ZC3H12D: variants seen among roughly 807,000 people sequenced by gnomAD.
ZC3H12D encodes the protein probable ribonuclease ZC3H12D.
A neutral mutation model predicts 24.2 loss-of-function variants in ZC3H12D; 11 were observed. The observed-to-expected ratio is 0.46, with a 90% confidence interval of 0.29 to 0.75. The LOEUF is 0.75. ZC3H12D is among the 30% of genes least tolerant of loss of function. ZC3H12D has a pLI of 0.11. For missense variants in ZC3H12D, 740 were observed against 767.7 expected (o/e 0.96, Z 0.43); for synonymous variants, 333 against 341.8 (o/e 0.97, Z 0.28).
At chr6:149,475,025 A>G (rs779141844) in intron 1 of ZC3H12D, among the ~76,000 whole-genome samples, 2 of 152,184 alleles carry the variant, frequency 1.3e-5, no homozygotes, top group African/African-American at 4.8e-5. Flanking sequence ...TATGACCTCT[A>G]AAAGGAGGTC....
rs1775887444 is a variant in ZC3H12D at position 149,451,143 on chromosome 6, C to T, written c.1124G>A (p.Gly375Glu). The stretch of plus-strand genomic sequence containing the variant: ...GCCGCCCGCGGACACCCAGTCGGGC[C>T]CGCCCAGTCGGGGCGTGAGGCTGCA... ...PACSLTPRLG[G>E]PDWVSAGGRV... Residue 375 changes from glycine to glutamate, a missense_variant, in exon 6 of 6, where the codon GGG becomes GAG. By Grantham distance (98) the Gly-to-Glu change is moderately conservative (BLOSUM62 -2). Coordinates refer to ENST00000409806, the MANE Select transcript of ZC3H12D (RefSeq NM_207360.3). 1.2e-5 allele frequency: 16 copies of T among 1,340,254 alleles called. No individual in the cohort carries two copies. Among genetic ancestry groups the T allele is most frequent in the African/African-American group, 1.5e-5 (1 of 64,766 alleles). 83.0% of individuals were successfully genotyped at this position (1,340,254 alleles called of 1,614,324 possible).
chr6:149,459,128 T>C (rs1387942832), intron 3 of ZC3H12D, among the ~76,000 whole-genome samples: 2 of 148,400 alleles, frequency 1.3e-5, no homozygotes, highest in East Asian at 3.9e-4. Flanking sequence ...TATAGTCAAA[T>C]GTATTCATCT....
At chr6:149,468,671 G>A (rs1429604583) in intron 2 of ZC3H12D, among the ~76,000 whole-genome samples, 5 of 152,170 alleles carry the variant, frequency 3.3e-5, no homozygotes, top group Non-Finnish European at 7.3e-5. Flanking sequence ...GAAAGAGACC[G>A]TGAGCAGGGG....
chr6:149,463,238 G>T (rs1194596076), intron 2 of ZC3H12D, among the ~76,000 whole-genome samples: 1 of 152,218 alleles, frequency 6.6e-6, no homozygotes, highest in Non-Finnish European at 1.5e-5. Flanking sequence ...GGAGGGCAAT[G>T]CCCTTCAAAT....
chr6:149,456,572 A>G lies in ZC3H12D; in HGVS notation c.680+94T>C, dbSNP rs1775982936. 5.3e-6 allele frequency: 6 copies of G among 1,124,314 alleles called. No homozygotes were observed. The highest frequency in any genetic ancestry group is 1.5e-5 in the African/African-American group (1 of 65,138). 69.6% of individuals were successfully genotyped at this position (1,124,314 alleles called of 1,614,324 possible). On this transcript the variant is annotated intron_variant, in intron 4 of 5. Coordinates refer to ENST00000409806, the MANE Select transcript of ZC3H12D (RefSeq NM_207360.3). The surrounding 1 kb of genome is among the most constrained non-coding windows in gnomAD (Gnocchi z 4.3). Reference sequence around the variant, plus strand: ...GGGGCTGGGTGACCGGGTGACCCCAAGCTCCTCCACCTGGTAGCAGGCGTG... The same window carrying G: ...GGGGCTGGGTGACCGGGTGACCCCAGGCTCCTCCACCTGGTAGCAGGCGTG...
intron 2 of ZC3H12D, among the ~76,000 whole-genome samples, chr6:149,464,717 G>A (rs1776124088): frequency 6.6e-6 from 1 of 152,222 alleles, no homozygotes; most frequent in Admixed American, 6.5e-5. Context: ...ACGAATGGCT[G>A]AGAAGAAACT....
chr6:149,461,683 TA>T, intron 3 of ZC3H12D, 147 bp downstream of exon 3: 1 of 847,478 alleles, frequency 1.2e-6, no homozygotes, highest in Non-Finnish European at 1.8e-6. Flanking sequence ...TGAACAGTCA[TA>T]ATCAGTGCCT....
rs1775879930 is a variant in ZC3H12D at position 149,450,916 on chromosome 6, C to A, written c.1351G>T (p.Val451Phe). Residue 451 changes from valine to phenylalanine, a missense_variant, in exon 6 of 6, where the codon GTC becomes TTC. Physicochemically the swap from Val to Phe is conservative, Grantham distance 50. Coordinates refer to ENST00000409806, the MANE Select transcript of ZC3H12D (RefSeq NM_207360.3). ...PRSDRFPGRS[V>F]WAEPAWGDGA... The stretch of plus-strand genomic sequence containing the variant: ...TCGCCCCAGGCCGGCTCCGCCCAGA[C>A]GGAGCGCCCAGGGAAGCGGTCGGAG... 3 of 1,539,988 alleles carry A rather than the reference C, an allele frequency of 1.9e-6. No homozygotes were observed. The highest frequency in any genetic ancestry group is 2.4e-5 in the East Asian group (1 of 40,912).
intron 2 of ZC3H12D, among the ~76,000 whole-genome samples, chr6:149,467,399 T>G (rs1385539622): frequency 6.6e-6 from 1 of 152,170 alleles, no homozygotes; most frequent in African/African-American, 2.4e-5. Context: ...ACTACAGGTA[T>G]GCACTGCCAC....
In ZC3H12D at chr6:149,456,492, C is replaced by T. The variant is rs1365320411; in HGVS notation, c.680+174G>A. Among the ~76,000 whole-genome samples, 2 of 152,096 alleles carry T rather than the reference C, an allele frequency of 1.3e-5. No homozygotes were observed. Among genetic ancestry groups the T allele is most frequent in the African/African-American group, 4.8e-5 (2 of 41,426 alleles). ...AACAGCAAGGTCAGAGCAAAGCAGCCCACCTATTGGGGACGTGCCCGCCGA... is the reference window on the plus strand; with the variant it reads ...AACAGCAAGGTCAGAGCAAAGCAGCTCACCTATTGGGGACGTGCCCGCCGA... On this transcript the variant is annotated intron_variant, in intron 4 of 5. Coordinates refer to ENST00000409806, the MANE Select transcript of ZC3H12D (RefSeq NM_207360.3). The surrounding 1 kb of genome is among the most constrained non-coding windows in gnomAD (Gnocchi z 4.3).
At position 149,472,825 on chromosome 6, in the gene ZC3H12D, C is replaced by A. The variant is rs1303364298; in HGVS notation, c.305+1414G>T. On this transcript the variant is annotated intron_variant, in intron 2 of 5. Coordinates refer to ENST00000409806, the MANE Select transcript of ZC3H12D (RefSeq NM_207360.3). The stretch of plus-strand genomic sequence containing the variant: ...AGGTCTTTGATTTAAGCATTCAAAG[C>A]CTTCCTTCTATGGAAGCCCAGGGAA... Among the ~76,000 whole-genome samples the A allele has an allele frequency of 3.3e-5, 5 of 152,174 alleles. No homozygotes were observed. The East Asian group carries it at 7.7e-4, about 23-fold the overall frequency.
Position 149,456,892 on chromosome 6 carries a change from C to T in ZC3H12D, c.454G>A (p.Val152Met). 1 of 1,599,708 alleles carries T rather than the reference C, an allele frequency of 6.3e-7. No individual in the cohort carries two copies. The highest frequency in any genetic ancestry group is 1.1e-5 in the South Asian group (1 of 90,978). ...RADTPIREQH[V>M]LAELERQAVL... ...GCCTGCCGCTCCAGCTCCGCCAGCACGTGCTGCTCTGAGGGCGGGGCGACG... is the reference window on the plus strand; with the variant it reads ...GCCTGCCGCTCCAGCTCCGCCAGCATGTGCTGCTCTGAGGGCGGGGCGACG... The change falls in exon 4 of 6, where the codon GTG (valine) becomes ATG (methionine). Residue 152 changes from valine (V) to methionine (M), a missense_variant. By Grantham distance (21) the Val-to-Met change is conservative. Coordinates refer to ENST00000409806, the MANE Select transcript of ZC3H12D (RefSeq NM_207360.3). This position sits in a 1 kb window ranked among gnomAD's most constrained non-coding sequence, Gnocchi z 4.3.
At position 149,452,802 on chromosome 6, in the gene ZC3H12D, T is replaced by A. The variant is rs1275543785; in HGVS notation, c.681-80A>T. The A allele has an allele frequency of 2.3e-6, 3 of 1,285,438 alleles. No individual in the cohort carries two copies. Among genetic ancestry groups the A allele is most frequent in the African/African-American group, 3.0e-5 (2 of 67,792 alleles). The allele number at this position is 1,285,438 out of a possible 1,614,324, so 79.6% of individuals were successfully genotyped here. A position where few individuals can be genotyped will look rare whatever the true frequency, so the allele number is the denominator to read the frequency against. On this transcript the variant is annotated intron_variant, in intron 4 of 5. Transcript: ENST00000409806. The surrounding 1 kb of genome is among the most constrained non-coding windows in gnomAD (Gnocchi z 4.0). Reference sequence around the variant, plus strand: ...CCTGTACAAAGGGAGCAGGCCCAAGTTCCCCAAGAACACCAGGAAGCATTC... The same window carrying A: ...CCTGTACAAAGGGAGCAGGCCCAAGATCCCCAAGAACACCAGGAAGCATTC...
chr6:149,484,178 G>A (rs1462695004), intron 1 of ZC3H12D, among the ~76,000 whole-genome samples: 1 of 152,216 alleles, frequency 6.6e-6, no homozygotes, highest in Non-Finnish European at 1.5e-5. Context: ...CCTGGCCTTA[G>A]AGAAAAGCTC....
chr6:149,467,459 G>T (rs1444222087), intron 2 of ZC3H12D, among the ~76,000 whole-genome samples: 1 of 152,124 alleles, frequency 6.6e-6, no homozygotes, highest in Admixed American at 6.6e-5. Context: ...TGGCTATGTT[G>T]CCCAGGCCGG....
At chr6:149,458,260 C>T (rs553843323) in intron 3 of ZC3H12D, among the ~76,000 whole-genome samples, 5 of 150,662 alleles carry the variant, frequency 3.3e-5, no homozygotes, top group East Asian at 3.9e-4. Context: ...CTCAGCCTTC[C>T]GTGCAGCTAG....
At chr6:149,458,128 CTTTTTTTTTTTTTTTT>C (rs1189920889) in intron 3 of ZC3H12D, among the ~76,000 whole-genome samples, 1 of 39,756 alleles carries the variant, frequency 2.5e-5, no homozygotes, top group African/African-American at 1.1e-4. Flanking sequence ...TTTTTCGTTT[CTTTTTTTTTTTTTTTT>C]TTTTTTTTTG....
Position 149,473,400 on chromosome 6 carries a change from T to C in ZC3H12D, c.305+839A>G, listed in dbSNP as rs137863004. 1.4e-3 allele frequency among the ~76,000 whole-genome samples: 212 copies of C among 152,300 alleles called. 1 individual carries two copies. The highest frequency in any genetic ancestry group is 4.8e-3 in the African/African-American group (200 of 41,556). On this transcript the variant is annotated intron_variant, in intron 2 of 5. Coordinates refer to ENST00000409806, the MANE Select transcript of ZC3H12D (RefSeq NM_207360.3). ...TATTTACAGCTGGGAGTGAACCATT[T>C]CCTATGGCTCTGCCCTTTGCACGGT...
At position 149,457,887 on chromosome 6, in the gene ZC3H12D, A is replaced by G. The variant is rs181249458; in HGVS notation, c.446-987T>C. Among the ~76,000 whole-genome samples the G allele has an allele frequency of 6.6e-5, 10 of 152,206 alleles. No homozygotes were observed. In the East Asian group the frequency reaches 1.9e-3, roughly 29 times the overall value. On this transcript the variant is annotated intron_variant, in intron 3 of 5. Coordinates refer to ENST00000409806, the MANE Select transcript of ZC3H12D (RefSeq NM_207360.3). Reference sequence around the variant, plus strand: ...TTTTTAAAACGTGCATAATGCAGCTATGGTACAAAGAACAAAAATAAAGAC... The same window carrying G: ...TTTTTAAAACGTGCATAATGCAGCTGTGGTACAAAGAACAAAAATAAAGAC...
Sources: gnomAD v4.1 joint callset for allele counts (sites outside exome capture counted in the v4.1 genomes callset) on GRCh38, gnomAD v4.1.1 for gene constraint, Gnocchi (gnomAD v3.1) non-coding constraint, MANE v1.5 for transcripts, NCBI Gene and HGNC (gene_info 2026-07-23, HGNC 2026-07-21) for gene names.